TLK1: variants seen among roughly 807,000 people sequenced by gnomAD.
The protein encoded by TLK1 is tousled like kinase 1, also known as serine/threonine-protein kinase tousled-like 1.
TLK1 carries 24 observed loss-of-function variants against 105.3 expected under a neutral mutation model. That is an observed-to-expected ratio of 0.23 (90% CI 0.17 to 0.32). The LOEUF (loss-of-function observed/expected upper bound fraction) is 0.32. Ranked by LOEUF, TLK1 falls within the 10% of genes least tolerant of loss-of-function variation. The pLI is 1.00. For synonymous variants in TLK1, 321 were observed against 310.4 expected, an observed-to-expected ratio of 1.03 and a Z score of -0.36; for missense variants, 558 against 910.5, an observed-to-expected ratio of 0.61 and a Z score of 4.98.
intron 1 of TLK1, among the ~76,000 whole-genome samples, chr2:171,197,973 C>T (rs1392402788): frequency 1.3e-5 from 2 of 152,164 alleles, no homozygotes; most frequent in Non-Finnish European, 2.9e-5. Flanking sequence ...CTGCACCAGA[C>T]AAAGTTTCCT....
chr2:171,043,087 A>G (rs115285147), intron 11 of TLK1, among the ~76,000 whole-genome samples: 2,528 of 152,326 alleles, frequency 0.017, 34 homozygotes, highest in Non-Finnish European at 0.027. Flanking sequence ...AGCAAACATG[A>G]AAATGTTATG....
intron 20 of TLK1, among the ~76,000 whole-genome samples, chr2:170,995,890 A>G (rs976922878): frequency 6.6e-6 from 1 of 152,150 alleles, no homozygotes; most frequent in Admixed American, 6.5e-5. Context: ...TTTAGTAGAG[A>G]TGGGGTTTCA....
intron 11 of TLK1, among the ~76,000 whole-genome samples, chr2:171,041,979 TG>T (rs1418791690): frequency 6.6e-6 from 1 of 152,246 alleles, no homozygotes; most frequent in African/African-American, 2.4e-5. Flanking sequence ...TGAATCAAAG[TG>T]CTTCTGTGGC....
chr2:171,128,958 G>A (rs1237115319), intron 1 of TLK1, among the ~76,000 whole-genome samples: 1 of 135,104 alleles, frequency 7.4e-6, no homozygotes, highest in Non-Finnish European at 1.6e-5. Context: ...AGGGTCCAGA[G>A]GAAGAGTATG....
intron 11 of TLK1, among the ~76,000 whole-genome samples, chr2:171,043,536 G>C (rs7585418): frequency 2.0e-5 from 3 of 152,012 alleles, no homozygotes; most frequent in East Asian, 3.9e-4. Flanking sequence ...ATGACTCTAC[G>C]ACATGAAAAC....
At chr2:171,046,031 A>G in intron 11 of TLK1, 143 bp downstream of exon 11, 1 of 642,534 alleles carries the variant, frequency 1.6e-6, no homozygotes, top group East Asian at 3.1e-5. Context: ...CTATTAATTT[A>G]GAGCTAAATT....
At chr2:171,050,209 C>A (rs1405536902) in intron 8 of TLK1, 35 bp from the exon 9 acceptor site, 9 of 1,444,480 alleles carry the variant, frequency 6.2e-6, no homozygotes, top group Non-Finnish European at 7.6e-6. Flanking sequence ...GAGGTCTAGA[C>A]TGGGGAATAT....
intron 2 of TLK1, among the ~76,000 whole-genome samples, chr2:171,117,325 T>C (rs2105530049): frequency 6.6e-6 from 1 of 152,308 alleles, no homozygotes; most frequent in Admixed American, 6.5e-5. Flanking sequence ...CACCTCCTGC[T>C]GTGTGGCCGG....
intron 3 of TLK1, among the ~76,000 whole-genome samples, chr2:171,080,588 A>G (rs1179385143): frequency 6.7e-6 from 1 of 148,638 alleles, no homozygotes; most frequent in Admixed American, 6.8e-5. Context: ...AATAGTAATT[A>G]TTTCTTTGAA....
At chr2:171,125,364 T>C (rs992701792) in intron 1 of TLK1, among the ~76,000 whole-genome samples, 1 of 152,220 alleles carries the variant, frequency 6.6e-6, no homozygotes, top group South Asian at 2.1e-4. Context: ...AGCAATGTTT[T>C]GCTATTAAAT....
intron 4 of TLK1, among the ~76,000 whole-genome samples, chr2:171,058,477 A>G (rs1687603856): frequency 6.6e-6 from 1 of 152,178 alleles, no homozygotes; most frequent in Admixed American, 6.5e-5. Flanking sequence ...TGCATCACTG[A>G]CAAACTAACC....
At chr2:171,068,859 T>C (rs1161975125) in intron 3 of TLK1, among the ~76,000 whole-genome samples, 1 of 152,222 alleles carries the variant, frequency 6.6e-6, no homozygotes, top group Non-Finnish European at 1.5e-5. Flanking sequence ...TGGGTTGTCA[T>C]GGTTACTCAG....
At chr2:171,039,905 G>C (rs1686573605) in intron 11 of TLK1, among the ~76,000 whole-genome samples, 1 of 151,936 alleles carries the variant, frequency 6.6e-6, no homozygotes, top group African/African-American at 2.4e-5. Flanking sequence ...ATTTGTAAAG[G>C]GTATTCTTGG....
chr2:171,055,525 T>C (rs1000895801), intron 6 of TLK1, among the ~76,000 whole-genome samples: 1 of 151,930 alleles, frequency 6.6e-6, no homozygotes, highest in African/African-American at 2.4e-5. Context: ...ATTATGATAG[T>C]TGAAAAAACA....
chr2:171,119,443 A>T (rs1194339789), intron 1 of TLK1, among the ~76,000 whole-genome samples: 2 of 152,160 alleles, frequency 1.3e-5, no homozygotes, highest in Non-Finnish European at 2.9e-5. Context: ...TTCAAACATG[A>T]TTCTCAAATC....
intron 18 of TLK1, among the ~76,000 whole-genome samples, chr2:170,998,744 T>G (rs889145566): frequency 2.0e-5 from 3 of 152,222 alleles, no homozygotes; most frequent in Non-Finnish European, 2.9e-5. Context: ...AATTACTATT[T>G]TAAAAATATG....
chr2:171,159,089 A>C (rs1692347505), intron 1 of TLK1, among the ~76,000 whole-genome samples: 1 of 152,362 alleles, frequency 6.6e-6, no homozygotes, highest in African/African-American at 2.4e-5. Flanking sequence ...CAAGGCTCTG[A>C]CTAGCAAATA....
chr2:171,095,345 T>C (rs999229306), intron 2 of TLK1, among the ~76,000 whole-genome samples: 1 of 151,476 alleles, frequency 6.6e-6, no homozygotes, highest in African/African-American at 2.4e-5. Context: ...AGTTGGATCC[T>C]TGAAAACAAA....
chr2:171,067,258 C>T lies in TLK1; in HGVS notation c.331-6102G>A, dbSNP rs561562211. 4.0e-5 allele frequency among the ~76,000 whole-genome samples: 6 copies of T among 149,806 alleles called. No individual in the cohort carries two copies. In the South Asian group the frequency reaches 1.1e-3, roughly 26 times the overall value. On this transcript the variant is annotated intron_variant, in intron 3 of 20. Transcript: ENST00000431350. Reference sequence around the variant, plus strand: ...CACTGCAAGCTCTGTCTCCTGGGTTCATGCTATTCTCCTGCCTCAGCCTCC... The same window carrying T: ...CACTGCAAGCTCTGTCTCCTGGGTTTATGCTATTCTCCTGCCTCAGCCTCC...
Sources: gnomAD v4.1 joint callset for allele counts (sites outside exome capture counted in the v4.1 genomes callset) on GRCh38, gnomAD v4.1.1 for gene constraint, MANE v1.5 for transcripts, NCBI Gene and HGNC (gene_info 2026-07-23, HGNC 2026-07-21) for gene names.